Variants in FAF2 observed in about 807,000 individuals in gnomAD.
The protein encoded by FAF2 is FAS-associated factor 2.
In FAF2, 9 loss-of-function variants were observed where a neutral mutation model predicts 62.3. The observed-to-expected ratio is 0.14, with a 90% CI of 0.09 to 0.25. The LOEUF is 0.25. Among genes scored for constraint, FAF2 ranks in the 10% least tolerant of loss-of-function variants. The probability of loss-of-function intolerance (pLI) is 1.00; values close to 1 mark genes in which losing one functional copy is unlikely to be tolerated. For synonymous variants in FAF2, 202 were observed against 198.0 expected, an observed-to-expected ratio of 1.02 and a Z score of -0.17; for missense variants, 368 against 556.2, an observed-to-expected ratio of 0.66 and a Z score of 3.40.
chr5:176,509,674 T>A lies in FAF2; in HGVS notation c.*2724T>A, dbSNP rs1755746146. ...GCTTGCCTCCACCATGATATTTGAA[T>A]AAGAGATGGCCAGAGGATAACACTT... is the stretch of plus-strand genomic sequence containing the variant. On this transcript the variant is annotated 3_prime_UTR_variant, in exon 11 of 11. Coordinates refer to ENST00000261942, the MANE Select transcript of FAF2 (RefSeq NM_014613.3). 6.6e-6 allele frequency: 1 copy of A among 152,638 alleles called. No homozygotes were observed. Among genetic ancestry groups the A allele is most frequent in the Non-Finnish European group, 1.5e-5 (1 of 68,044 alleles). The allele number at this position is 152,638 out of a possible 1,614,324, so 9.5% of individuals were successfully genotyped here.
rs192849290 is a variant in FAF2 at position 176,468,631 on chromosome 5, C to A, written c.64-10557C>A. ...AGATTCCCTCCTCAAAAGAAAGTTC[C>A]TTTTAAAAGTGAATTATGGAGCTGG... On this transcript the variant is annotated intron_variant, in intron 1 of 10. Coordinates refer to ENST00000261942, the MANE Select transcript of FAF2 (RefSeq NM_014613.3). 2.8e-4 allele frequency among the ~76,000 whole-genome samples: 43 copies of A among 151,972 alleles called. No homozygotes were observed. In the East Asian group the frequency reaches 4.8e-3, roughly 17 times the overall value.
intron 2 of FAF2, among the ~76,000 whole-genome samples, chr5:176,481,812 C>T (rs1489632636): frequency 1.3e-5 from 2 of 152,170 alleles, no homozygotes; most frequent in Non-Finnish European, 2.9e-5. Flanking sequence ...CGCTACCACA[C>T]CGGGCCCTAG....
At chr5:176,459,504 A>T (rs1457202410) in intron 1 of FAF2, among the ~76,000 whole-genome samples, 2 of 152,114 alleles carry the variant, frequency 1.3e-5, no homozygotes, top group Non-Finnish European at 2.9e-5. Flanking sequence ...GGCTCAAGCG[A>T]TCTGCCTGCC....
intron 2 of FAF2, among the ~76,000 whole-genome samples, chr5:176,484,406 GCGT>G (rs1758837924): frequency 6.6e-6 from 1 of 152,292 alleles, no homozygotes; most frequent in African/African-American, 2.4e-5. Context: ...CATTTGTCCA[GCGT>G]CTCCATACTG....
intron 1 of FAF2, among the ~76,000 whole-genome samples, chr5:176,461,737 T>C (rs1758383781): frequency 6.6e-6 from 1 of 152,126 alleles, no homozygotes; most frequent in Admixed American, 6.6e-5. Flanking sequence ...TTGCGAAGAT[T>C]TTCTCCCATT....
chr5:176,499,081 G>A lies in FAF2; in HGVS notation c.1007G>A (p.Arg336Gln), dbSNP rs765978756. ...QQQKLAEERRRQNLQEEKERK... is the reference protein window; with the variant it reads ...QQQKLAEERRQQNLQEEKERK... ...CAAAAGTTGGCAGAGGAGAGACGGC[G>A]GCAGGTAATGGACGTGTGGCTTTAC... Residue 336 changes from arginine to glutamine, a missense_variant, in exon 9 of 11, where the codon CGG becomes CAG. Transcript: ENST00000261942. 2.3e-5 allele frequency: 36 copies of A among 1,577,388 alleles called. No homozygotes were observed. In the South Asian group the frequency reaches 4.0e-4, roughly 17 times the overall value.
At chr5:176,448,523 C>G in intron 1 of FAF2, 53 bp downstream of exon 1, 1 of 1,521,986 alleles carries the variant, frequency 6.6e-7, no homozygotes, top group South Asian at 1.2e-5. Flanking sequence ...GGGAGTAGGC[C>G]CCTAGAGGAG....
At chr5:176,486,578 A>G in intron 3 of FAF2, 89 bp downstream of exon 3, 1 of 1,345,866 alleles carries the variant, frequency 7.4e-7, no homozygotes, top group Non-Finnish European at 1.0e-6. Flanking sequence ...CAGGAGCAAA[A>G]CAAATATTTA....
chr5:176,470,797 G>A (rs1377143463), intron 1 of FAF2, among the ~76,000 whole-genome samples: 25 of 152,204 alleles, frequency 1.6e-4, no homozygotes, highest in Admixed American at 1.6e-3. Context: ...GACTAGCAGT[G>A]AGGTCAGGTA....
chr5:176,485,602 C>T (rs1399974168), intron 2 of FAF2, among the ~76,000 whole-genome samples: 1 of 152,178 alleles, frequency 6.6e-6, no homozygotes, highest in Non-Finnish European at 1.5e-5. Flanking sequence ...AACTGAATAT[C>T]AGTAGTCTGA....
At chr5:176,498,010 C>T (rs566722402) in intron 8 of FAF2, among the ~76,000 whole-genome samples, 11 of 152,108 alleles carry the variant, frequency 7.2e-5, no homozygotes, top group Admixed American at 6.5e-4. Context: ...ATTAGCTAGG[C>T]GTGGTGGCAC....
intron 1 of FAF2, among the ~76,000 whole-genome samples, chr5:176,455,359 G>A (rs942170859): frequency 1.3e-5 from 2 of 152,124 alleles, no homozygotes; most frequent in African/African-American, 4.8e-5. Flanking sequence ...TGAGGTGGGA[G>A]CATCACCTTA....
Position 176,494,298 on chromosome 5 carries a change from C to T in FAF2, c.661+23C>T, listed in dbSNP as rs760016150. ...GGGGTAAGTTATGTTTCTTCTGCCT[C>T]ATTGAGATTGTTGGAGTATCTTTGG... On this transcript the variant is annotated intron_variant, in intron 7 of 10. Coordinates refer to ENST00000261942, the MANE Select transcript of FAF2 (RefSeq NM_014613.3). The surrounding 1 kb of genome is among the most constrained non-coding windows in gnomAD (Gnocchi z 4.0). 5 of 1,571,306 alleles carry T rather than the reference C, an allele frequency of 3.2e-6. No individual in the cohort carries two copies. Among genetic ancestry groups the T allele is most frequent in the African/African-American group, 1.3e-5 (1 of 74,162 alleles).
Position 176,500,146 on chromosome 5 carries a change from A to G in FAF2, c.1155A>G (p.Thr385=), listed in dbSNP as rs574255369. The change falls in exon 10 of 11, where the codon ACA becomes ACG. Residue 385 remains threonine, a splice_region_variant and synonymous_variant. Transcript: ENST00000261942. ...GATTCCACTTTTCACAGTCTCTAACAGTAAGGACCACCTAAGTTCTGTGAA... is the reference window on the plus strand; with the variant it reads ...GATTCCACTTTTCACAGTCTCTAACGGTAAGGACCACCTAAGTTCTGTGAA... The part of the protein sequence containing the change: ...ERRFHFSQSL[T]VIHDFLFSLK... 11 of 1,613,858 alleles carry G rather than the reference A, an allele frequency of 6.8e-6. No individual in the cohort carries two copies. Among genetic ancestry groups the G allele is most frequent in the African/African-American group, 2.7e-5 (2 of 75,030 alleles).
Position 176,509,898 on chromosome 5 carries a change from TTG to T in FAF2, c.*2951_*2952del, listed in dbSNP as rs914063766. 13 of 152,770 alleles carry T rather than the reference TTG, an allele frequency of 8.5e-5. 1 individual carries two copies. The highest frequency in any genetic ancestry group is 3.1e-4 in the African/African-American group (13 of 41,580). The allele number at this position is 152,770 out of a possible 1,614,324, so 9.5% of individuals were successfully genotyped here. A position where few individuals can be genotyped will look rare whatever the true frequency, so the allele number is the denominator to read the frequency against. ...GCTCTACAACTGGTTTTTTTAGGAC[TTG>T]TGAGGAACACAGCAACGGAAATCCA... On this transcript the variant is annotated 3_prime_UTR_variant, in exon 11 of 11. Coordinates refer to ENST00000261942, the MANE Select transcript of FAF2 (RefSeq NM_014613.3).
intron 10 of FAF2, 47 bp from the exon 11 acceptor site, chr5:176,506,721 A>C (rs374432072): frequency 6.6e-6 from 10 of 1,512,380 alleles, no homozygotes; most frequent in Non-Finnish European, 8.2e-6. Flanking sequence ...GTGTGTGTGT[A>C]TTTCTGTTTT....
At chr5:176,456,137 T>A (rs13174740) in intron 1 of FAF2, among the ~76,000 whole-genome samples, 10,967 of 152,146 alleles carry the variant, frequency 0.072, 452 homozygotes, top group Middle Eastern at 0.16. Flanking sequence ...AGTGGTGTGA[T>A]CTCAGCTCAC....
chr5:176,480,994 A>G (rs1758776074), intron 2 of FAF2, among the ~76,000 whole-genome samples: 2 of 152,176 alleles, frequency 1.3e-5, no homozygotes, highest in African/African-American at 2.4e-5. Context: ...AGATGAGCAT[A>G]GGAAATGGAA....
In FAF2 at chr5:176,508,360, A is replaced by G. The variant is rs1355009719; in HGVS notation, c.*1410A>G. On this transcript the variant is annotated 3_prime_UTR_variant, in exon 11 of 11. Coordinates refer to ENST00000261942, the MANE Select transcript of FAF2 (RefSeq NM_014613.3). ...CTCGTTGTACCACTGCAACCGACTG[A>G]CGTTACTGTAGTTCCTAGAATGCTG... The G allele has an allele frequency of 6.6e-6, 1 of 151,998 alleles. No individual in the cohort carries two copies. Among genetic ancestry groups the G allele is most frequent in the Admixed American group, 6.6e-5 (1 of 15,222 alleles). 9.4% of individuals were successfully genotyped at this position (151,998 alleles called of 1,614,324 possible). A position where few individuals can be genotyped will look rare whatever the true frequency, so the allele number is the denominator to read the frequency against.
Sources: allele counts gnomAD v4.1 joint callset (sites outside exome capture counted in the v4.1 genomes callset), GRCh38; gene constraint gnomAD v4.1.1; non-coding constraint Gnocchi (gnomAD v3.1); transcripts MANE v1.5; gene names NCBI Gene and HGNC (gene_info 2026-07-23, HGNC 2026-07-21).